FAM227B: variants seen among roughly 807,000 people sequenced by gnomAD.
The protein encoded by FAM227B is family with sequence similarity 227 member B, also known as protein FAM227B.
Under a neutral mutation model 73.8 loss-of-function variants are expected in FAM227B, and 88 were observed. That is an observed-to-expected ratio of 1.19 (90% CI 1.00 to 1.42). The LOEUF (loss-of-function observed/expected upper bound fraction) is 1.42. Ranked by LOEUF, FAM227B falls within the 40% of genes most tolerant of loss-of-function variation. The pLI is 0.00. For synonymous variants in FAM227B, 210 were observed against 190.5 expected (o/e 1.10, Z -0.84); for missense variants, 632 against 590.9 (o/e 1.07, Z -0.72).
At chr15:49,507,210 T>G (rs2152111534) in intron 11 of FAM227B, among the ~76,000 whole-genome samples, 1 of 152,026 alleles carries the variant, frequency 6.6e-6, no homozygotes, top group East Asian at 1.9e-4. Context: ...GCGATAAGAA[T>G]ATAGAAAACC....
intron 14 of FAM227B, among the ~76,000 whole-genome samples, chr15:49,333,491 G>T (rs2039176807): frequency 6.6e-6 from 1 of 152,144 alleles, no homozygotes; most frequent in South Asian, 2.1e-4. Context: ...GTCCTATGTG[G>T]ATTTGATTTT....
At chr15:49,414,415 A>T (rs1270139234) in intron 11 of FAM227B, among the ~76,000 whole-genome samples, 2 of 151,526 alleles carry the variant, frequency 1.3e-5, no homozygotes, top group Non-Finnish European at 2.9e-5. Flanking sequence ...GGGAGGGGGG[A>T]AATCTCCCTA....
intron 5 of FAM227B, among the ~76,000 whole-genome samples, chr15:49,582,401 A>G (rs912988097): frequency 1.3e-4 from 20 of 152,358 alleles, no homozygotes; most frequent in Non-Finnish European, 2.5e-4. Context: ...CATAATGGTA[A>G]AAGACTCAAT....
intron 11 of FAM227B, among the ~76,000 whole-genome samples, chr15:49,449,899 G>C (rs2052567494): frequency 6.6e-6 from 1 of 151,966 alleles, no homozygotes; most frequent in Non-Finnish European, 1.5e-5. Flanking sequence ...TAAAATTTCT[G>C]AGTTGGAAAA....
chr15:49,495,144 C>G (rs2057483934), intron 11 of FAM227B, among the ~76,000 whole-genome samples: 1 of 152,100 alleles, frequency 6.6e-6, no homozygotes, highest in South Asian at 2.1e-4. Flanking sequence ...TTAAACCCAG[C>G]CCCTCTGACT....
intron 13 of FAM227B, among the ~76,000 whole-genome samples, chr15:49,340,785 A>G (rs2040604065): frequency 2.0e-5 from 3 of 152,050 alleles, no homozygotes; most frequent in African/African-American, 7.2e-5. Context: ...CCACTTGTCA[A>G]TTTTTGTTTT....
At chr15:49,517,077 T>C (rs1414985230) in intron 10 of FAM227B, among the ~76,000 whole-genome samples, 1 of 152,204 alleles carries the variant, frequency 6.6e-6, no homozygotes, top group Non-Finnish European at 1.5e-5. Flanking sequence ...GTTGGACTTC[T>C]AACTTCCAGA....
chr15:49,598,040 A>G (rs570670171), intron 3 of FAM227B, among the ~76,000 whole-genome samples: 21 of 152,132 alleles, frequency 1.4e-4, no homozygotes, highest in African/African-American at 5.1e-4. Context: ...ATTATATTAG[A>G]TATTCAAAGA....
intron 11 of FAM227B, among the ~76,000 whole-genome samples, chr15:49,408,598 T>G (rs1235815190): frequency 6.6e-6 from 1 of 152,176 alleles, no homozygotes; most frequent in Non-Finnish European, 1.5e-5. Context: ...ATTTTCTGCC[T>G]CTCTGTTTTT....
intron 11 of FAM227B, chr15:49,424,284 A>C (rs2049936829): frequency 6.2e-7 from 1 of 1,605,026 alleles, no homozygotes; most frequent in Non-Finnish European, 8.5e-7. Context: ...GAACACCCGG[A>C]GCACTACACT....
intron 11 of FAM227B, among the ~76,000 whole-genome samples, chr15:49,482,096 T>C (rs959438146): frequency 6.6e-6 from 1 of 152,160 alleles, no homozygotes; most frequent in Non-Finnish European, 1.5e-5. Context: ...AATTGACACT[T>C]TGACTTTTCT....
At chr15:49,450,540 A>T (rs956478036) in intron 11 of FAM227B, among the ~76,000 whole-genome samples, 4 of 152,132 alleles carry the variant, frequency 2.6e-5, no homozygotes, top group Admixed American at 6.6e-5. Flanking sequence ...TTTCTCAGAA[A>T]TATTTACTCT....
intron 2 of FAM227B, 68 bp downstream of exon 2, chr15:49,615,053 G>A (rs1567711808): frequency 6.9e-7 from 1 of 1,452,332 alleles, no homozygotes; most frequent in African/African-American, 1.4e-5. Context: ...TGGGAGCCCT[G>A]ATTACCTGAA....
chr15:49,339,758 A>G (rs756509398), intron 13 of FAM227B, among the ~76,000 whole-genome samples: 2 of 152,176 alleles, frequency 1.3e-5, no homozygotes, highest in African/African-American at 2.4e-5. Flanking sequence ...TGTCCCAGGT[A>G]GGTGGGGGTT....
At chr15:49,465,142 T>C (rs1423261767) in intron 11 of FAM227B, among the ~76,000 whole-genome samples, 1 of 152,082 alleles carries the variant, frequency 6.6e-6, no homozygotes, top group Admixed American at 6.6e-5. Flanking sequence ...TTTTATTTTA[T>C]TTTTTGAGAT....
At chr15:49,385,510 C>T (rs11634209) in intron 11 of FAM227B, among the ~76,000 whole-genome samples, 1 of 150,948 alleles carries the variant, frequency 6.6e-6, no homozygotes, top group African/African-American at 2.4e-5. Flanking sequence ...AAAAGGGGTT[C>T]TAAGCCTTAA....
At chr15:49,447,926 G>A (rs951552427) in intron 11 of FAM227B, among the ~76,000 whole-genome samples, 3 of 151,618 alleles carry the variant, frequency 2.0e-5, no homozygotes, top group Non-Finnish European at 4.4e-5. Flanking sequence ...CCTCAGGCTC[G>A]TGTCCTTTAA....
At chr15:49,396,230 G>A in intron 11 of FAM227B, 1 of 359,274 alleles carries the variant, frequency 2.8e-6, no homozygotes, top group South Asian at 2.1e-5. Flanking sequence ...AAAGAAAGGG[G>A]TGACGGACGG....
chr15:49,542,252 G>A (rs1247407754), intron 9 of FAM227B, among the ~76,000 whole-genome samples: 3 of 152,100 alleles, frequency 2.0e-5, no homozygotes, highest in Admixed American at 6.6e-5. Flanking sequence ...AATTTATTGA[G>A]AAAGTAAGTC....
Sources: allele counts gnomAD v4.1 joint callset (sites outside exome capture counted in the v4.1 genomes callset), GRCh38; gene constraint gnomAD v4.1.1; transcripts MANE v1.5; gene names NCBI Gene and HGNC (gene_info 2026-07-23, HGNC 2026-07-21).